Variants in GRID2 observed in about 807,000 individuals in gnomAD.
The protein encoded by GRID2 is glutamate receptor ionotropic, delta-2.
GRID2 carries 33 observed loss-of-function variants against 114.8 expected under a neutral mutation model. The observed-to-expected ratio is 0.29, with a 90% CI of 0.22 to 0.38. The LOEUF (loss-of-function observed/expected upper bound fraction) is 0.38. Among genes scored for constraint, GRID2 ranks in the 10% least tolerant of loss-of-function variants. The probability of loss-of-function intolerance (pLI) is 1.00; values close to 1 mark genes in which losing one functional copy is unlikely to be tolerated. For missense variants in GRID2, 1,184 were observed against 1,257.7 expected, an observed-to-expected ratio of 0.94 and a Z score of 0.89; for synonymous variants, 505 against 449.9, an observed-to-expected ratio of 1.12 and a Z score of -1.55.
chr4:93,697,869 G>GTATA lies in GRID2; in HGVS notation c.2361-71333_2361-71330dup, dbSNP rs749542291. Among the ~76,000 whole-genome samples, 10 of 122,702 alleles carry GTATA rather than the reference G, an allele frequency of 8.1e-5. No homozygotes were observed. In the East Asian group the frequency reaches 2.2e-3, roughly 27 times the overall value. The allele number at this position is 122,702 out of a possible 152,430, so 80.5% of individuals were successfully genotyped here. On this transcript the variant is annotated intron_variant, in intron 14 of 15. Transcript: ENST00000282020. ...TCAATTTAGTCATTCCACAATGTGT[G>GTATA]TATATATATATTTCAAAACAATACG...
At chr4:92,598,025 A>G (rs1049632484) in intron 2 of GRID2, among the ~76,000 whole-genome samples, 2 of 152,108 alleles carry the variant, frequency 1.3e-5, no homozygotes, top group Admixed American at 6.6e-5. Flanking sequence ...CACATTTAAC[A>G]CCTATTTTTT....
intron 1 of GRID2, among the ~76,000 whole-genome samples, chr4:92,317,635 A>C (rs556676290): frequency 2.6e-5 from 4 of 152,234 alleles, no homozygotes; most frequent in Non-Finnish European, 4.4e-5. Flanking sequence ...GATAATCTAT[A>C]AACCAGAAAA....
chr4:93,626,105 G>C (rs1018579035), intron 13 of GRID2, among the ~76,000 whole-genome samples, 164 bp from the exon 14 acceptor site: 1 of 151,952 alleles, frequency 6.6e-6, no homozygotes, highest in African/African-American at 2.4e-5. Context: ...GTATCCACAG[G>C]GGTTCTGAAA....
intron 8 of GRID2, among the ~76,000 whole-genome samples, chr4:93,366,347 T>G (rs1037313356): frequency 1.3e-5 from 2 of 152,154 alleles, no homozygotes; most frequent in South Asian, 2.1e-4. Flanking sequence ...TGGTCATCTC[T>G]TATGGTCGAG....
chr4:92,818,689 C>T (rs1741069993), intron 2 of GRID2, among the ~76,000 whole-genome samples: 1 of 152,096 alleles, frequency 6.6e-6, no homozygotes. Context: ...TCTTACCTCA[C>T]CCAGAGCAGC....
intron 2 of GRID2, among the ~76,000 whole-genome samples, chr4:92,900,443 T>C (rs1309348513): frequency 6.6e-6 from 1 of 152,212 alleles, no homozygotes; most frequent in Non-Finnish European, 1.5e-5. Flanking sequence ...TGCTATTTCA[T>C]ACTATATGTC....
chr4:93,728,406 C>T (rs561456830), intron 14 of GRID2, among the ~76,000 whole-genome samples: 1 of 151,984 alleles, frequency 6.6e-6, no homozygotes, highest in Non-Finnish European at 1.5e-5. Context: ...TTACTTCCAA[C>T]TATGTGGTCA....
intron 5 of GRID2, among the ~76,000 whole-genome samples, chr4:93,211,747 C>T (rs531759591): frequency 6.6e-6 from 1 of 152,202 alleles, no homozygotes; most frequent in Admixed American, 6.5e-5. Flanking sequence ...TGTTCACAAC[C>T]CATACCATTT....
At position 92,384,805 on chromosome 4, in the gene GRID2, C is replaced by T. The variant is rs1021657358; in HGVS notation, c.88+80061C>T. Among the ~76,000 whole-genome samples, 3 of 147,658 alleles carry T rather than the reference C, an allele frequency of 2.0e-5. No homozygotes were observed. The South Asian group carries it at 6.3e-4, about 31-fold the overall frequency. ...TAATAAGTGTTAGGTAGTTTTCATT[C>T]TCTGAAACAATGGAAAAACGCTTGA... is the stretch of plus-strand genomic sequence containing the variant. On this transcript the variant is annotated intron_variant, in intron 1 of 15. Coordinates refer to ENST00000282020, the MANE Select transcript of GRID2 (RefSeq NM_001510.4).
Position 93,169,662 on chromosome 4 carries a change from A to G in GRID2, c.736-37742A>G, listed in dbSNP as rs183431150. Among the ~76,000 whole-genome samples, 1,215 of 152,328 alleles carry G rather than the reference A, an allele frequency of 8.0e-3. 7 individuals are homozygous for G. The highest frequency in any genetic ancestry group is 0.044 in the Middle Eastern group (13 of 294). On this transcript the variant is annotated intron_variant, in intron 4 of 15. Transcript: ENST00000282020. Reference sequence around the variant, plus strand: ...AGTGGTTGAATGTACAGAATAATTTACAAGATTGAAGTGTATAAAACATTT... The same window carrying G: ...AGTGGTTGAATGTACAGAATAATTTGCAAGATTGAAGTGTATAAAACATTT...
intron 4 of GRID2, among the ~76,000 whole-genome samples, chr4:93,172,578 CG>C (rs1738943909): frequency 1.3e-5 from 2 of 150,110 alleles, no homozygotes; most frequent in African/African-American, 2.5e-5. Flanking sequence ...GGCGACAGGG[CG>C]AGACTCCATC....
intron 8 of GRID2, among the ~76,000 whole-genome samples, chr4:93,293,661 C>G (rs1248729042): frequency 2.6e-5 from 4 of 151,802 alleles, no homozygotes; most frequent in African/African-American, 9.7e-5. Context: ...GGAAATCAAC[C>G]CAATAAGCAA....
chr4:93,033,268 A>G (rs910919345), intron 2 of GRID2, among the ~76,000 whole-genome samples: 9 of 152,202 alleles, frequency 5.9e-5, no homozygotes, highest in Admixed American at 5.9e-4. Flanking sequence ...AGAAGGACTC[A>G]CAGAACTCAT....
Position 92,513,343 on chromosome 4 carries a change from C to T in GRID2, c.89-76788C>T, listed in dbSNP as rs574957392. On this transcript the variant is annotated intron_variant, in intron 1 of 15. Coordinates refer to ENST00000282020, the MANE Select transcript of GRID2 (RefSeq NM_001510.4). ...AAAAATTTTGGCCAAGCTTCTGTTT[C>T]TATCACACACCATGTTCTGCTTAAT... is the stretch of plus-strand genomic sequence containing the variant. Among the ~76,000 whole-genome samples, 11 of 151,934 alleles carry T rather than the reference C, an allele frequency of 7.2e-5. 1 individual carries two copies. The South Asian group carries it at 2.3e-3, about 32-fold the overall frequency.
At chr4:92,884,915 C>A in intron 2 of GRID2, 2 of 361,992 alleles carry the variant, frequency 5.5e-6, no homozygotes, top group Non-Finnish European at 5.6e-6. Context: ...AGATGATAAG[C>A]TGGTGACATT....
intron 1 of GRID2, among the ~76,000 whole-genome samples, chr4:92,454,670 A>G (rs1721114543): frequency 6.6e-6 from 1 of 152,122 alleles, no homozygotes; most frequent in African/African-American, 2.4e-5. Flanking sequence ...CCCCGCCTCT[A>G]CCAAAAATAC....
chr4:93,801,680 C>T (rs1236803866), intron 1 of GRID2, among the ~76,000 whole-genome samples: 1 of 152,082 alleles, frequency 6.6e-6, no homozygotes, highest in East Asian at 1.9e-4. Context: ...ATAGTTAAAG[C>T]ACTGCACTTT....
intron 2 of GRID2, among the ~76,000 whole-genome samples, chr4:92,904,994 G>T (rs1029588362): frequency 6.6e-6 from 1 of 151,976 alleles, no homozygotes; most frequent in Non-Finnish European, 1.5e-5. Context: ...GTGGCAATTT[G>T]CTACATCAAT....
chr4:92,431,576 CT>C (rs139358667), intron 1 of GRID2, among the ~76,000 whole-genome samples: 11,272 of 113,958 alleles, frequency 0.099, 900 homozygotes, highest in African/African-American at 0.25. Flanking sequence ...TTTGACGTGT[CT>C]TTTTTTTTTT....
Sources: allele counts gnomAD v4.1 joint callset (sites outside exome capture counted in the v4.1 genomes callset), GRCh38; gene constraint gnomAD v4.1.1; transcripts MANE v1.5; gene names NCBI Gene and HGNC (gene_info 2026-07-23, HGNC 2026-07-21).